The following RHBDD1 variants were observed in gnomAD, a reference collection of about 807,000 sequenced individuals.
RHBDD1 encodes the protein rhomboid-related protein 4.
A neutral mutation model predicts 36.3 loss-of-function variants in RHBDD1; 38 were observed. The observed-to-expected ratio is 1.05, with a 90% CI of 0.81 to 1.37. The LOEUF is 1.37. Ranked by LOEUF, RHBDD1 falls within the 40% of genes most tolerant of loss-of-function variation. RHBDD1 has a pLI of 0.00. For synonymous variants in RHBDD1, 151 were observed against 136.5 expected, an observed-to-expected ratio of 1.11 and a Z score of -0.74; for missense variants, 393 against 377.6, an observed-to-expected ratio of 1.04 and a Z score of -0.34.
intron 8 of RHBDD1, chr2:226,914,610 A>T (rs1948765775): frequency 4.6e-6 from 1 of 218,406 alleles, no homozygotes; most frequent in South Asian, 1.8e-4. Flanking sequence ...ATGCTTTGGC[A>T]TTAAAGTCAA....
At position 226,865,091 on chromosome 2, in the gene RHBDD1, C is replaced by G; in HGVS notation, c.398C>G (p.Pro133Arg). The G allele has an allele frequency of 1.2e-6, 2 of 1,613,964 alleles. No homozygotes were observed. The highest frequency in any genetic ancestry group is 1.7e-6 in the Non-Finnish European group (2 of 1,179,972). ...GCTGTTGCCGAATTTATGGATGAAC[C>G]TGACTTCAAAAGGAGCTGTGCTGTA... ...QFAVAEFMDE[P>R]DFKRSCAVGF... The change falls in exon 4 of 9, where the codon CCT becomes CGT. Residue 133 changes from proline (P) to arginine (R), a missense_variant. Physicochemically the swap from Pro to Arg is moderately radical, Grantham distance 103 (BLOSUM62 -2). Transcript: ENST00000392062.
At chr2:226,953,652 A>T (rs1951580456) in intron 8 of RHBDD1, among the ~76,000 whole-genome samples, 1 of 152,202 alleles carries the variant, frequency 6.6e-6, no homozygotes, top group Non-Finnish European at 1.5e-5. Flanking sequence ...GCAGTAAGGC[A>T]CGTGCTGACC....
chr2:226,984,550 G>A (rs148543916), intron 8 of RHBDD1, among the ~76,000 whole-genome samples: 20 of 152,272 alleles, frequency 1.3e-4, no homozygotes, highest in African/African-American at 4.8e-4. Flanking sequence ...GGACTTCAAC[G>A]TATGGATTTT....
At chr2:226,977,706 A>G (rs1012932844) in intron 8 of RHBDD1, among the ~76,000 whole-genome samples, 1 of 152,250 alleles carries the variant, frequency 6.6e-6, no homozygotes, top group African/African-American at 2.4e-5. Flanking sequence ...AGCAGCCCCT[A>G]TATCAGGCTG....
chr2:226,861,998 A>C (rs1398551439), intron 3 of RHBDD1, among the ~76,000 whole-genome samples: 1 of 152,216 alleles, frequency 6.6e-6, no homozygotes, highest in Admixed American at 6.5e-5. Flanking sequence ...ACGTGTATGT[A>C]TATGGCTAAT....
At chr2:226,923,203 A>C (rs1034820326) in intron 8 of RHBDD1, among the ~76,000 whole-genome samples, 5 of 152,170 alleles carry the variant, frequency 3.3e-5, no homozygotes, top group Non-Finnish European at 5.9e-5. Context: ...CTTGTAGGAC[A>C]TGTCTGGCAT....
intron 5 of RHBDD1, among the ~76,000 whole-genome samples, chr2:226,889,310 G>A (rs895272050): frequency 6.6e-6 from 1 of 152,154 alleles, no homozygotes; most frequent in Non-Finnish European, 1.5e-5. Flanking sequence ...TTATTTCAGG[G>A]TCCTCTTCAG....
chr2:226,864,198 C>G (rs1298183493), intron 3 of RHBDD1, among the ~76,000 whole-genome samples: 2 of 152,088 alleles, frequency 1.3e-5, no homozygotes, highest in Non-Finnish European at 2.9e-5. Flanking sequence ...TCTAACATAT[C>G]AAAATCAAAT....
intron 8 of RHBDD1, among the ~76,000 whole-genome samples, chr2:226,927,316 T>G (rs1456431521): frequency 6.6e-6 from 1 of 151,030 alleles, no homozygotes; most frequent in East Asian, 1.9e-4. Flanking sequence ...TATACTCTAG[T>G]GTATAGATAT....
chr2:226,905,898 G>A (rs1214922113), intron 5 of RHBDD1, among the ~76,000 whole-genome samples: 3 of 152,126 alleles, frequency 2.0e-5, no homozygotes, highest in Admixed American at 6.6e-5. Flanking sequence ...GCATGTGTGC[G>A]CGGGGGTGTC....
In RHBDD1 at chr2:226,996,480, T is replaced by A. The variant is rs895303740; in HGVS notation, c.*958T>A. On this transcript the variant is annotated 3_prime_UTR_variant, in exon 9 of 9. Coordinates refer to ENST00000392062, the MANE Select transcript of RHBDD1 (RefSeq NM_001167608.3). ...CCACAGATTGTCTGTCTGAGTCGTTTAAGGCATTTCCTGGTGCTTGTGTTC... is the reference window on the plus strand; with the variant it reads ...CCACAGATTGTCTGTCTGAGTCGTTAAAGGCATTTCCTGGTGCTTGTGTTC... 2.6e-5 allele frequency: 4 copies of A among 152,258 alleles called. No homozygotes were observed. Among genetic ancestry groups the A allele is most frequent in the Admixed American group, 6.5e-5 (1 of 15,292 alleles). The allele number at this position is 152,258 out of a possible 1,614,324, so 9.4% of individuals were successfully genotyped here.
chr2:226,865,987 A>C (rs1431776592), intron 4 of RHBDD1, among the ~76,000 whole-genome samples: 2 of 152,266 alleles, frequency 1.3e-5, no homozygotes, highest in Non-Finnish European at 2.9e-5. Context: ...TTTAGGAGCC[A>C]TGATAATCAC....
the RHBDD1 span, among the ~76,000 whole-genome samples, chr2:226,806,580 T>C: frequency 6.6e-6 from 1 of 152,236 alleles, no homozygotes; most frequent in Non-Finnish European, 1.5e-5. Context: ...TTTAAAACTT[T>C]TGACCATGAC....
rs774898590 is a variant in RHBDD1 at position 226,968,660 on chromosome 2, G to A, written c.857-26771G>A. Among the ~76,000 whole-genome samples the A allele has an allele frequency of 3.3e-5, 5 of 152,318 alleles. No homozygotes were observed. In the South Asian group the frequency reaches 6.2e-4, roughly 19 times the overall value. ...GATTGAATGTTTGCGCACTCTCTCC[G>A]AAACATGTGCCATTTGTTCTGACCC... On this transcript the variant is annotated intron_variant, in intron 8 of 8. Coordinates refer to ENST00000392062, the MANE Select transcript of RHBDD1 (RefSeq NM_001167608.3).
intron 5 of RHBDD1, among the ~76,000 whole-genome samples, chr2:226,870,499 A>G (rs1944710683): frequency 6.6e-6 from 1 of 152,000 alleles, no homozygotes. Context: ...CCCATAAGCC[A>G]CTCTTAAACA....
At chr2:226,900,271 G>T (rs1217430439) in intron 5 of RHBDD1, among the ~76,000 whole-genome samples, 1 of 152,150 alleles carries the variant, frequency 6.6e-6, no homozygotes, top group African/African-American at 2.4e-5. Flanking sequence ...TACTTACCTT[G>T]CTCTCAAGTT....
At chr2:226,902,777 G>A (rs1239335675) in intron 5 of RHBDD1, among the ~76,000 whole-genome samples, 6 of 152,170 alleles carry the variant, frequency 3.9e-5, no homozygotes, top group African/African-American at 1.4e-4. Flanking sequence ...GACGCAATGA[G>A]TTCTCCGGAC....
intron 8 of RHBDD1, among the ~76,000 whole-genome samples, chr2:226,942,200 G>A (rs1289339562): frequency 6.6e-6 from 1 of 151,608 alleles, no homozygotes; most frequent in Non-Finnish European, 1.5e-5. Flanking sequence ...TTAGCTGGAG[G>A]ATGTTTGTAT....
chr2:226,902,067 C>T (rs1947642740), intron 5 of RHBDD1, among the ~76,000 whole-genome samples: 1 of 152,082 alleles, frequency 6.6e-6, no homozygotes, highest in South Asian at 2.1e-4. Flanking sequence ...TAGGTCATAA[C>T]CAAATCCCCA....
Sources: allele counts gnomAD v4.1 joint callset (sites outside exome capture counted in the v4.1 genomes callset), GRCh38; gene constraint gnomAD v4.1.1; transcripts MANE v1.5; gene names NCBI Gene and HGNC (gene_info 2026-07-23, HGNC 2026-07-21).